Variants in MYO16 observed in about 807,000 individuals in gnomAD.
MYO16 encodes unconventional myosin-XVI.
A neutral mutation model predicts 205.3 loss-of-function variants in MYO16; 94 were observed. The ratio of observed to expected loss-of-function variants is 0.46; its 90% confidence interval spans 0.39 to 0.54. MYO16 has a LOEUF of 0.54. Among genes scored for constraint, MYO16 ranks in the 20% least tolerant of loss-of-function variants. The pLI, the probability that MYO16 is intolerant of heterozygous loss-of-function variation, is 0.00. For missense variants in MYO16, 2,315 were observed against 2,387.5 expected (o/e 0.97, Z 0.63); for synonymous variants, 988 against 954.0 (o/e 1.04, Z -0.66).
chr13:108,796,836 G>A (rs534148730), intron 6 of MYO16, among the ~76,000 whole-genome samples: 1 of 150,100 alleles, frequency 6.7e-6, no homozygotes, highest in East Asian at 2.0e-4. Context: ...GTTAATGGGT[G>A]CAGCACACCA....
At chr13:108,751,165 A>C (rs1885226102) in intron 4 of MYO16, among the ~76,000 whole-genome samples, 1 of 152,088 alleles carries the variant, frequency 6.6e-6, no homozygotes, top group Non-Finnish European at 1.5e-5. Flanking sequence ...GACCTCCAAA[A>C]TCTTGGTTCC....
At chr13:109,123,526 CA>C (rs1386074714) in intron 29 of MYO16, among the ~76,000 whole-genome samples, 1 of 152,150 alleles carries the variant, frequency 6.6e-6, no homozygotes, top group Non-Finnish European at 1.5e-5. Flanking sequence ...AGGTGCCCAT[CA>C]CATGGTTCAT....
chr13:108,528,140 G>A, the MYO16 span, among the ~76,000 whole-genome samples: 2 of 152,210 alleles, frequency 1.3e-5, no homozygotes, highest in African/African-American at 4.8e-5. Context: ...CATCTACAGA[G>A]GTGAAGCTTT....
intron 22 of MYO16, among the ~76,000 whole-genome samples, chr13:109,011,333 C>T (rs918145946): frequency 1.3e-5 from 2 of 152,074 alleles, no homozygotes; most frequent in African/African-American, 2.4e-5. Flanking sequence ...TCAAGAAGCA[C>T]GCTCTGCTGT....
At chr13:108,533,599 G>A in the MYO16 span, among the ~76,000 whole-genome samples, 27 of 152,172 alleles carry the variant, frequency 1.8e-4, no homozygotes, top group Non-Finnish European at 3.2e-4. Context: ...GGAGTGCAGT[G>A]TCTTTGAGGA....
intron 21 of MYO16, among the ~76,000 whole-genome samples, chr13:108,995,846 A>T (rs1884985159): frequency 6.6e-6 from 1 of 152,102 alleles, no homozygotes; most frequent in Admixed American, 6.6e-5. Flanking sequence ...TCATTGATGG[A>T]CATTTGGGTT....
In MYO16 at chr13:109,140,736, G is replaced by T; in HGVS notation, c.4524G>T (p.Leu1508=). The T allele has an allele frequency of 6.6e-7, 1 of 1,518,944 alleles. No individual in the cohort carries two copies. Among genetic ancestry groups the T allele is most frequent in the Non-Finnish European group, 8.8e-7 (1 of 1,134,488 alleles). The allele number at this position is 1,518,944 out of a possible 1,614,324, so 94.1% of individuals were successfully genotyped here. The change falls in exon 32 of 35, where the codon CTG becomes CTT. Residue 1508 remains leucine, a synonymous_variant. Transcript: ENST00000457511. The surrounding 1 kb of genome is among the most constrained non-coding windows in gnomAD (Gnocchi z 8.0). ...CDIPPPFPNL[L]PHRPPLLVFP... ...TCCCGCCGCCCTTCCCCAACCTGCT[G>T]CCGCACCGGCCGCCCCTGCTGGTGT...
the MYO16 span, among the ~76,000 whole-genome samples, chr13:108,525,187 A>C: frequency 6.6e-6 from 1 of 152,190 alleles, no homozygotes; most frequent in African/African-American, 2.4e-5. Flanking sequence ...TACAGGGGAA[A>C]CCAAACTCAC....
At chr13:108,972,243 CTCTCTCTATA>C (rs1884049834) in intron 20 of MYO16, among the ~76,000 whole-genome samples, 1 of 11,510 alleles carries the variant, frequency 8.7e-5, no homozygotes, top group Non-Finnish European at 1.8e-4. Flanking sequence ...CTCTCTCTCT[CTCTCTCTATA>C]TATATATATA....
chr13:108,509,945 A>C, the MYO16 span, among the ~76,000 whole-genome samples: 1 of 152,214 alleles, frequency 6.6e-6, no homozygotes, highest in East Asian at 1.9e-4. Flanking sequence ...TTTATTACTA[A>C]CTTTGCTACA....
rs557887234 is a variant in MYO16 at position 108,707,185 on chromosome 13, C to G, written c.293-5476C>G. On this transcript the variant is annotated intron_variant, in intron 2 of 34. Transcript: ENST00000457511. ...CCTGGCTAGACCCTCTTATCATGAC[C>G]CTGTTGTTTCCAGGCTGGACGGAAA... Among the ~76,000 whole-genome samples, 199 of 152,214 alleles carry G rather than the reference C, an allele frequency of 1.3e-3. 1 individual carries two copies. Among genetic ancestry groups the G allele is most frequent in the Admixed American group, 3.0e-3 (46 of 15,284 alleles).
chr13:108,611,696 T>C (rs554406087), intron 1 of MYO16, among the ~76,000 whole-genome samples: 12 of 152,152 alleles, frequency 7.9e-5, no homozygotes, highest in Non-Finnish European at 1.5e-4. Context: ...AGTCCCACAG[T>C]AGTCCAGTTT....
At chr13:108,847,771 T>C (rs1436292016) in intron 10 of MYO16, among the ~76,000 whole-genome samples, 2 of 152,182 alleles carry the variant, frequency 1.3e-5, no homozygotes, top group Non-Finnish European at 1.5e-5. Flanking sequence ...TTGATTATAA[T>C]GTGCAAGACT....
At chr13:109,061,744 G>A (rs1053393892) in intron 27 of MYO16, among the ~76,000 whole-genome samples, 1 of 152,204 alleles carries the variant, frequency 6.6e-6, no homozygotes, top group Non-Finnish European at 1.5e-5. Context: ...CCAATGCAAA[G>A]CAGAGAAGTG....
At chr13:108,650,648 T>G (rs962671620) in intron 1 of MYO16, among the ~76,000 whole-genome samples, 3 of 152,192 alleles carry the variant, frequency 2.0e-5, no homozygotes, top group Non-Finnish European at 4.4e-5. Context: ...ACTTCTCTTT[T>G]GGGATATAGC....
At chr13:108,886,150 G>C (rs1879869908) in intron 13 of MYO16, among the ~76,000 whole-genome samples, 1 of 152,020 alleles carries the variant, frequency 6.6e-6, no homozygotes, top group Non-Finnish European at 1.5e-5. Flanking sequence ...ATCACGCCCG[G>C]CTAATTTTTT....
At chr13:108,899,517 A>G (rs1013967992) in intron 15 of MYO16, among the ~76,000 whole-genome samples, 3 of 152,218 alleles carry the variant, frequency 2.0e-5, no homozygotes, top group Non-Finnish European at 4.4e-5. Context: ...CTATTCAATC[A>G]TTTATTGGTT....
chr13:108,974,704 G>A (rs61694485), intron 20 of MYO16, among the ~76,000 whole-genome samples: 3,517 of 152,158 alleles, frequency 0.023, 122 homozygotes, highest in African/African-American at 0.079. Flanking sequence ...CCTAATAGAT[G>A]GATAACATAA....
intron 15 of MYO16, among the ~76,000 whole-genome samples, chr13:108,899,673 TTTAC>T (rs1161333221): frequency 6.6e-6 from 1 of 152,168 alleles, no homozygotes; most frequent in African/African-American, 2.4e-5. Flanking sequence ...AGGGGCCGGA[TTTAC>T]TTCTGTAATA....
Sources: gnomAD v4.1 joint callset for allele counts (sites outside exome capture counted in the v4.1 genomes callset) on GRCh38, gnomAD v4.1.1 for gene constraint, Gnocchi (gnomAD v3.1) non-coding constraint, MANE v1.5 for transcripts, NCBI Gene and HGNC (gene_info 2026-07-23, HGNC 2026-07-21) for gene names.